The following SYN2 variants were observed in gnomAD, a reference collection of about 807,000 sequenced individuals.
SYN2 encodes the protein synapsin-2.
SYN2 carries 19 observed loss-of-function variants against 50.9 expected under a neutral mutation model. The ratio of observed to expected loss-of-function variants is 0.37; its 90% confidence interval spans 0.26 to 0.55. SYN2 has a LOEUF of 0.55. SYN2 is among the 20% of genes least tolerant of loss of function. The pLI is 0.81. For missense variants in SYN2, 587 were observed against 576.4 expected, an observed-to-expected ratio of 1.02 and a Z score of -0.19; for synonymous variants, 255 against 224.9, an observed-to-expected ratio of 1.13 and a Z score of -1.20.
At chr3:12,088,620 A>G (rs1027027610) in intron 1 of SYN2, among the ~76,000 whole-genome samples, 2 of 152,044 alleles carry the variant, frequency 1.3e-5, no homozygotes, top group African/African-American at 2.4e-5. Flanking sequence ...ACAGTAACCA[A>G]GATATGGAAA....
chr3:12,035,980 C>G (rs1429726367), intron 1 of SYN2, among the ~76,000 whole-genome samples: 1 of 152,188 alleles, frequency 6.6e-6, no homozygotes, highest in African/African-American at 2.4e-5. Flanking sequence ...TTTTATGGCT[C>G]TAACTTCCTT....
At chr3:12,165,398 AT>A (rs1435650767) in intron 7 of SYN2, 2 of 152,238 alleles carry the variant, frequency 1.3e-5, no homozygotes, top group Non-Finnish European at 2.9e-5. Context: ...GAGACTTCTC[AT>A]TTTGAAGTGA....
At chr3:12,161,485 T>C in intron 5 of SYN2, 61 bp from the exon 6 acceptor site, 1 of 1,588,352 alleles carries the variant, frequency 6.3e-7, no homozygotes, top group Non-Finnish European at 8.6e-7. Context: ...AAAATATGTG[T>C]AGGATTCCAC....
chr3:12,079,801 G>A (rs1250909453), intron 1 of SYN2, among the ~76,000 whole-genome samples: 1 of 152,042 alleles, frequency 6.6e-6, no homozygotes, highest in Non-Finnish European at 1.5e-5. Flanking sequence ...TTGATATAAG[G>A]TGATGCTGGC....
chr3:12,178,888 G>A (rs942789767), intron 10 of SYN2, among the ~76,000 whole-genome samples: 2 of 152,232 alleles, frequency 1.3e-5, no homozygotes, highest in African/African-American at 2.4e-5. Context: ...AGGTCACACA[G>A]CTGCTAAGCA....
At chr3:12,176,544 A>G (rs1324917756) in intron 10 of SYN2, among the ~76,000 whole-genome samples, 2 of 152,208 alleles carry the variant, frequency 1.3e-5, no homozygotes, top group Non-Finnish European at 2.9e-5. Context: ...AAGCATTCAT[A>G]TACATTTGGT....
intron 1 of SYN2, among the ~76,000 whole-genome samples, chr3:12,082,826 C>T (rs1258908250): frequency 6.6e-6 from 1 of 152,076 alleles, no homozygotes; most frequent in Non-Finnish European, 1.5e-5. Context: ...AGTGTTGTCA[C>T]TCTTCACCTA....
At chr3:12,170,667 T>A (rs748881071) in intron 10 of SYN2, among the ~76,000 whole-genome samples, 6 of 152,218 alleles carry the variant, frequency 3.9e-5, no homozygotes, top group Non-Finnish European at 8.8e-5. Flanking sequence ...GGACAATGAA[T>A]CAAAAGCTGA....
intron 1 of SYN2, among the ~76,000 whole-genome samples, chr3:12,057,864 G>T (rs1193796692): frequency 6.6e-6 from 1 of 152,126 alleles, no homozygotes; most frequent in Non-Finnish European, 1.5e-5. Flanking sequence ...CATTAAAACT[G>T]AAACATATAA....
chr3:12,034,365 T>C (rs1694449142), intron 1 of SYN2, among the ~76,000 whole-genome samples: 1 of 152,356 alleles, frequency 6.6e-6, no homozygotes, highest in African/African-American at 2.4e-5. Flanking sequence ...CAATTCCTTT[T>C]CCCACTTTTT....
intron 5 of SYN2, chr3:12,153,848 C>G (rs1044193948): frequency 1.0e-6 from 1 of 952,640 alleles, no homozygotes. Flanking sequence ...AGTCCCCAGT[C>G]TTCTCCTGGA....
At chr3:12,067,063 C>T (rs1695231169) in intron 1 of SYN2, among the ~76,000 whole-genome samples, 1 of 152,168 alleles carries the variant, frequency 6.6e-6, no homozygotes, top group African/African-American at 2.4e-5. Flanking sequence ...GGGTAACTGC[C>T]CCCATGATGC....
In SYN2 at chr3:12,066,933, G is replaced by A. The variant is rs115102226; in HGVS notation, c.377+62005G>A. Reference sequence around the variant, plus strand: ...TCAAGTGTAGAATCATGGCAGAAGTGAAAGCAAACATGTCCTTCTTCACAT... The same window carrying A: ...TCAAGTGTAGAATCATGGCAGAAGTAAAAGCAAACATGTCCTTCTTCACAT... On this transcript the variant is annotated intron_variant, in intron 1 of 12. Coordinates refer to ENST00000621198, the MANE Select transcript of SYN2 (RefSeq NM_133625.6). 4.7e-3 allele frequency among the ~76,000 whole-genome samples: 722 copies of A among 152,248 alleles called. 5 individuals are homozygous for A. The highest frequency in any genetic ancestry group is 0.017 in the African/African-American group (686 of 41,550).
chr3:12,139,246 G>A (rs567880342), intron 1 of SYN2, among the ~76,000 whole-genome samples: 63 of 152,282 alleles, frequency 4.1e-4, no homozygotes, highest in African/African-American at 1.4e-3. Context: ...GCCTGGCCTC[G>A]TCCCGGGTAG....
At chr3:12,170,866 C>T (rs1697921482) in intron 10 of SYN2, among the ~76,000 whole-genome samples, 1 of 152,200 alleles carries the variant, frequency 6.6e-6, no homozygotes, top group Non-Finnish European at 1.5e-5. Flanking sequence ...GTGAGAACTA[C>T]CCAAATTTGA....
In SYN2 at chr3:12,087,096, C is replaced by T. The variant is rs180793397; in HGVS notation, c.378-53555C>T. Among the ~76,000 whole-genome samples the T allele has an allele frequency of 3.0e-3, 451 of 152,158 alleles. 2 individuals are homozygous for T. The highest frequency in any genetic ancestry group is 0.01 in the African/African-American group (426 of 41,544). On this transcript the variant is annotated intron_variant, in intron 1 of 12. Transcript: ENST00000621198. ...CTATCTGAAAAAGAAATTAAGAAAA[C>T]AGTCCCACTTACAATAACATCAAAA...
intron 1 of SYN2, among the ~76,000 whole-genome samples, chr3:12,009,378 T>G (rs1372054109): frequency 6.6e-6 from 1 of 152,164 alleles, no homozygotes; most frequent in Non-Finnish European, 1.5e-5. Flanking sequence ...CCATTTTTAC[T>G]ATTTTCTACC....
chr3:12,069,964 G>A (rs1230993224), intron 1 of SYN2, among the ~76,000 whole-genome samples: 2 of 151,836 alleles, frequency 1.3e-5, no homozygotes, highest in South Asian at 2.1e-4. Context: ...ACACCACCAC[G>A]CCTGGCTAAT....
chr3:12,174,925 A>G (rs1025366012), intron 10 of SYN2, among the ~76,000 whole-genome samples: 6 of 152,108 alleles, frequency 3.9e-5, no homozygotes, highest in Admixed American at 3.3e-4. Context: ...TGTCTATTTA[A>G]TTGTCTGTTC....
Sources: gnomAD v4.1 joint callset for allele counts (sites outside exome capture counted in the v4.1 genomes callset) on GRCh38, gnomAD v4.1.1 for gene constraint, MANE v1.5 for transcripts, NCBI Gene and HGNC (gene_info 2026-07-23, HGNC 2026-07-21) for gene names.